MEMO1: variants seen among roughly 807,000 people sequenced by gnomAD.
MEMO1 encodes the protein protein MEMO1.
Under a neutral mutation model 45.2 loss-of-function variants are expected in MEMO1, and 6 were observed. That is an observed-to-expected ratio of 0.13 (90% CI 0.07 to 0.26). The LOEUF (loss-of-function observed/expected upper bound fraction) is 0.26, where lower values mean the gene tolerates loss of function less well. MEMO1 is among the 10% of genes least tolerant of loss of function. MEMO1 has a pLI of 1.00. For synonymous variants in MEMO1, 78 were observed against 124.3 expected, an observed-to-expected ratio of 0.63 and a Z score of 2.48; for missense variants, 184 against 370.5, an observed-to-expected ratio of 0.50 and a Z score of 4.13.
At chr2:31,873,905 T>C (rs1674163329) in intron 8 of MEMO1, among the ~76,000 whole-genome samples, 3 of 152,094 alleles carry the variant, frequency 2.0e-5, no homozygotes. Flanking sequence ...AGTAATGTAC[T>C]AATAAATGGC....
Position 31,869,884 on chromosome 2 carries a change from A to C in MEMO1, c.726T>G (p.Thr242=), listed in dbSNP as rs560804084. Residue 242 remains threonine, a synonymous_variant, in exon 9 of 10, where the codon ACT becomes ACG. Transcript: ENST00000404530. ...CCCCAATGGGATGTCTTCCACATAT[A>C]GTATTATGGTATTTCTTCAAGTAAT... ...FSNYLKKYHN[T]ICGRHPIGVL... 1 of 1,590,862 alleles carries C rather than the reference A, an allele frequency of 6.3e-7. No individual in the cohort carries two copies. The highest frequency in any genetic ancestry group is 8.5e-7 in the Non-Finnish European group (1 of 1,171,576).
intron 9 of MEMO1, among the ~76,000 whole-genome samples, chr2:31,869,258 C>T (rs150963728): frequency 6.6e-6 from 1 of 152,080 alleles, no homozygotes; most frequent in South Asian, 2.1e-4. Context: ...TATACACTTT[C>T]TTCTTTCTTA....
At chr2:31,910,637 A>T (rs532056330) in intron 6 of MEMO1, among the ~76,000 whole-genome samples, 122 of 152,260 alleles carry the variant, frequency 8.0e-4, no homozygotes, top group African/African-American at 2.9e-3. Flanking sequence ...AGACAGGAGG[A>T]TCACTTGAGC....
chr2:31,910,585 G>A (rs568558998), intron 6 of MEMO1, among the ~76,000 whole-genome samples: 1 of 152,168 alleles, frequency 6.6e-6, no homozygotes, highest in Non-Finnish European at 1.5e-5. Flanking sequence ...TGTTAGCCGG[G>A]TGCAGTGGCT....
chr2:31,884,165 T>C (rs564495291), intron 7 of MEMO1, among the ~76,000 whole-genome samples: 16 of 151,936 alleles, frequency 1.1e-4, no homozygotes, highest in Non-Finnish European at 2.4e-4. Context: ...GAAGGTAAAA[T>C]GAAAGAAGCT....
intron 2 of MEMO1, among the ~76,000 whole-genome samples, chr2:32,009,249 G>C (rs1674492289): frequency 6.6e-6 from 1 of 152,168 alleles, no homozygotes; most frequent in South Asian, 2.1e-4. Flanking sequence ...GCACCTGCCT[G>C]GTGTAGGGCG....
At chr2:31,870,350 C>G (rs1405632569) in intron 8 of MEMO1, among the ~76,000 whole-genome samples, 1 of 152,094 alleles carries the variant, frequency 6.6e-6, no homozygotes, top group Non-Finnish European at 1.5e-5. Flanking sequence ...TATTTTGTGG[C>G]TGTTTTCTCC....
intron 6 of MEMO1, among the ~76,000 whole-genome samples, chr2:31,906,192 G>C (rs1403026240): frequency 6.6e-6 from 1 of 151,850 alleles, no homozygotes; most frequent in Non-Finnish European, 1.5e-5. Context: ...GACTTGTCTC[G>C]AACTCCTGAC....
Position 31,979,979 on chromosome 2 carries a change from T to C in MEMO1, c.61+30208A>G, listed in dbSNP as rs147324586. On this transcript the variant is annotated intron_variant, in intron 2 of 9. Coordinates refer to ENST00000404530, the MANE Select transcript of MEMO1 (RefSeq NM_001301833.4). The stretch of plus-strand genomic sequence containing the variant: ...ATGGACAAACTATAGATAGACTATA[T>C]CCAAGTCCAAATCAGAAACTGTCTT... Among the ~76,000 whole-genome samples the C allele has an allele frequency of 1.6e-4, 23 of 146,246 alleles. No individual in the cohort carries two copies. In the East Asian group the frequency reaches 4.6e-3, roughly 29 times the overall value.
intron 2 of MEMO1, among the ~76,000 whole-genome samples, chr2:31,948,447 C>T (rs965213332): frequency 6.6e-6 from 1 of 152,104 alleles, no homozygotes; most frequent in African/African-American, 2.4e-5. Context: ...AAAAGTAGGC[C>T]GTTGGCACCC....
chr2:31,992,843 G>A (rs1251487064), intron 2 of MEMO1, among the ~76,000 whole-genome samples: 1 of 151,772 alleles, frequency 6.6e-6, no homozygotes, highest in Non-Finnish European at 1.5e-5. Context: ...GAATTAAATG[G>A]GGAACACCCA....
At chr2:31,956,026 G>A (rs1667376384) in intron 2 of MEMO1, among the ~76,000 whole-genome samples, 1 of 152,276 alleles carries the variant, frequency 6.6e-6, no homozygotes, top group Middle Eastern at 3.4e-3. Flanking sequence ...TCTAGTGAGG[G>A]AAATATAAAT....
chr2:31,933,336 A>ATAT (rs1558514075), intron 3 of MEMO1, among the ~76,000 whole-genome samples: 1 of 57,458 alleles, frequency 1.7e-5, no homozygotes, highest in African/African-American at 7.9e-5. Context: ...AAAAAAAAAA[A>ATAT]AAAAAAAAAA....
At chr2:31,910,151 C>G (rs1449159496) in intron 6 of MEMO1, among the ~76,000 whole-genome samples, 1 of 151,856 alleles carries the variant, frequency 6.6e-6, no homozygotes, top group Non-Finnish European at 1.5e-5. Context: ...AATTCTATAT[C>G]CAGGAAAAAT....
At chr2:31,968,212 T>C (rs1310993502) in intron 2 of MEMO1, among the ~76,000 whole-genome samples, 4 of 152,186 alleles carry the variant, frequency 2.6e-5, no homozygotes, top group Non-Finnish European at 5.9e-5. Context: ...CCAATGAACA[T>C]CTGTCTGAGC....
intron 2 of MEMO1, among the ~76,000 whole-genome samples, chr2:32,009,141 C>G (rs1172869918): frequency 6.6e-6 from 1 of 152,186 alleles, no homozygotes; most frequent in African/African-American, 2.4e-5. Context: ...GGGAAAGTCC[C>G]TACACTTTCA....
At chr2:31,922,469 A>ACT (rs1224193118) in intron 4 of MEMO1, among the ~76,000 whole-genome samples, 22 of 152,104 alleles carry the variant, frequency 1.4e-4, no homozygotes, top group Admixed American at 1.4e-3. Context: ...TCAGAAACAG[A>ACT]TTATCCTTTT....
At chr2:31,998,323 TC>T (rs1258972246) in intron 2 of MEMO1, among the ~76,000 whole-genome samples, 3 of 152,128 alleles carry the variant, frequency 2.0e-5, no homozygotes. Flanking sequence ...TGAAGTATTT[TC>T]TTTACTTGGT....
chr2:31,993,016 G>C (rs963779900), intron 2 of MEMO1, among the ~76,000 whole-genome samples: 1 of 152,094 alleles, frequency 6.6e-6, no homozygotes, highest in African/African-American at 2.4e-5. Context: ...AGGAAAAAAA[G>C]GGTCGATTTT....
Sources: allele counts gnomAD v4.1 joint callset (sites outside exome capture counted in the v4.1 genomes callset), GRCh38; gene constraint gnomAD v4.1.1; transcripts MANE v1.5; gene names NCBI Gene and HGNC (gene_info 2026-07-23, HGNC 2026-07-21).